BBS9: variants seen among roughly 807,000 people sequenced by gnomAD.
The protein encoded by BBS9 is protein PTHB1.
In BBS9, 89 loss-of-function variants were observed where a neutral mutation model predicts 117.7. The ratio of observed to expected loss-of-function variants is 0.76; its 90% CI spans 0.64 to 0.90. The LOEUF (loss-of-function observed/expected upper bound fraction) is 0.90. Among genes scored for constraint, BBS9 ranks in the 40% least tolerant of loss-of-function variants. BBS9 has a pLI of 0.00. For synonymous variants in BBS9, 379 were observed against 370.9 expected (o/e 1.02, Z -0.25); for missense variants, 982 against 1,042.2 (o/e 0.94, Z 0.80).
At chr7:33,430,277 T>C (rs1050302745) in intron 19 of BBS9, among the ~76,000 whole-genome samples, 7 of 152,238 alleles carry the variant, frequency 4.6e-5, no homozygotes, top group Admixed American at 1.3e-4. Context: ...TTAGGCACTT[T>C]GGATTTTTCA....
At chr7:33,275,026 A>G (rs904602007) in intron 9 of BBS9, among the ~76,000 whole-genome samples, 36 of 148,366 alleles carry the variant, frequency 2.4e-4, no homozygotes, top group Non-Finnish European at 7.5e-5. Context: ...AGCCATCTGT[A>G]GAATTCTTCA....
At position 33,526,568 on chromosome 7, in the gene BBS9, G is replaced by A. The variant is rs914631176; in HGVS notation, c.2299-7386G>A. 6.0e-5 allele frequency among the ~76,000 whole-genome samples: 9 copies of A among 149,998 alleles called. No homozygotes were observed. In the South Asian group the frequency reaches 1.3e-3, roughly 22 times the overall value. On this transcript the variant is annotated intron_variant, in intron 20 of 22. Coordinates refer to ENST00000242067, the MANE Select transcript of BBS9 (RefSeq NM_198428.3). ...CTCCTGAGGCTTCTGCATTCTTCAC[G>A]TAGTTCTCGAGCCTTGGTTTTCAGC... is the stretch of plus-strand genomic sequence containing the variant.
chr7:33,589,696 A>G (rs1179984237), intron 21 of BBS9, among the ~76,000 whole-genome samples: 1 of 152,048 alleles, frequency 6.6e-6, no homozygotes. Context: ...TTTGTGAAGG[A>G]TAAGAGTAAA....
At chr7:33,169,654 G>T (rs1796230184) in intron 4 of BBS9, among the ~76,000 whole-genome samples, 1 of 150,934 alleles carries the variant, frequency 6.6e-6, no homozygotes, top group Non-Finnish European at 1.5e-5. Context: ...TTTTTGATGG[G>T]GTTGTTTGTT....
At chr7:33,278,517 T>C (rs1192910121) in intron 9 of BBS9, among the ~76,000 whole-genome samples, 1 of 152,190 alleles carries the variant, frequency 6.6e-6, no homozygotes, top group African/African-American at 2.4e-5. Flanking sequence ...ATTTTTTTAA[T>C]TTCCTAGTCC....
intron 21 of BBS9, among the ~76,000 whole-genome samples, chr7:33,599,489 G>A (rs565903245): frequency 2.0e-5 from 3 of 152,246 alleles, no homozygotes; most frequent in Admixed American, 2.0e-4. Flanking sequence ...GTATGAATAT[G>A]TTATCAATGT....
chr7:33,401,267 T>C (rs1828872548), intron 19 of BBS9, among the ~76,000 whole-genome samples: 1 of 152,232 alleles, frequency 6.6e-6, no homozygotes, highest in African/African-American at 2.4e-5. Flanking sequence ...TAGATTTTCA[T>C]GGGACCATTT....
At chr7:33,433,982 A>G (rs1205357161) in intron 19 of BBS9, among the ~76,000 whole-genome samples, 1 of 152,098 alleles carries the variant, frequency 6.6e-6, no homozygotes, top group African/African-American at 2.4e-5. Context: ...TTAGCATTAT[A>G]TGATGCATAT....
chr7:33,603,123 G>A (rs915328463), intron 21 of BBS9, among the ~76,000 whole-genome samples: 1 of 152,166 alleles, frequency 6.6e-6, no homozygotes, highest in Non-Finnish European at 1.5e-5. Context: ...GCTCTCATCT[G>A]TTGGCTGGGG....
intron 21 of BBS9, among the ~76,000 whole-genome samples, chr7:33,598,302 A>T (rs959075744): frequency 1.3e-5 from 2 of 152,148 alleles, no homozygotes; most frequent in Non-Finnish European, 2.9e-5. Context: ...ACAAATTCCA[A>T]TAGAAAAGTA....
At chr7:33,381,744 A>C (rs1190061110) in intron 17 of BBS9, among the ~76,000 whole-genome samples, 1 of 152,132 alleles carries the variant, frequency 6.6e-6, no homozygotes, top group African/African-American at 2.4e-5. Context: ...GGGTGAAGGG[A>C]GGGGTGGTGA....
chr7:33,590,738 G>A (rs554725793), intron 21 of BBS9, among the ~76,000 whole-genome samples: 5 of 151,710 alleles, frequency 3.3e-5, no homozygotes, highest in South Asian at 4.2e-4. Context: ...CATTTGAAGC[G>A]CTTTACATCC....
intron 21 of BBS9, among the ~76,000 whole-genome samples, chr7:33,588,447 T>G (rs1297887931): frequency 6.6e-6 from 1 of 152,170 alleles, no homozygotes; most frequent in East Asian, 1.9e-4. Flanking sequence ...TTCATTCATT[T>G]AAGTTGACAA....
intron 4 of BBS9, among the ~76,000 whole-genome samples, chr7:33,172,394 T>TA (rs1309865540): frequency 6.2e-4 from 81 of 129,848 alleles, no homozygotes; most frequent in Middle Eastern, 3.9e-3. Context: ...AAAAAAATAA[T>TA]AAAAAAAAAA....
intron 20 of BBS9, among the ~76,000 whole-genome samples, chr7:33,509,477 T>C (rs1846606751): frequency 6.6e-6 from 1 of 152,090 alleles, no homozygotes; most frequent in Non-Finnish European, 1.5e-5. Flanking sequence ...ATATATCCCA[T>C]ATTGAAGTTA....
chr7:33,564,822 CTGAAT>C (rs1465777220), intron 21 of BBS9, among the ~76,000 whole-genome samples: 1 of 152,162 alleles, frequency 6.6e-6, no homozygotes, highest in Non-Finnish European at 1.5e-5. Flanking sequence ...TCTCCAAAAA[CTGAAT>C]TCATTGCTGG....
intron 19 of BBS9, among the ~76,000 whole-genome samples, chr7:33,408,895 G>T (rs1584712870): frequency 6.6e-6 from 1 of 152,144 alleles, no homozygotes; most frequent in African/African-American, 2.4e-5. Flanking sequence ...TTTAACAAAA[G>T]CCATTCTGAC....
intron 4 of BBS9, among the ~76,000 whole-genome samples, chr7:33,164,611 T>G (rs550178687): frequency 6.6e-6 from 1 of 152,316 alleles, no homozygotes; most frequent in Non-Finnish European, 1.5e-5. Flanking sequence ...TTTTGATCTT[T>G]GTTGGTTTAA....
chr7:33,405,046 T>C (rs944761036), intron 19 of BBS9, among the ~76,000 whole-genome samples: 1 of 152,212 alleles, frequency 6.6e-6, no homozygotes, highest in Non-Finnish European at 1.5e-5. Flanking sequence ...TGAGAGTTTT[T>C]AGCATGAAGT....
Sources: allele counts gnomAD v4.1 joint callset (sites outside exome capture counted in the v4.1 genomes callset), GRCh38; gene constraint gnomAD v4.1.1; transcripts MANE v1.5; gene names NCBI Gene and HGNC (gene_info 2026-07-23, HGNC 2026-07-21).